The following AP1G1 variants were observed in gnomAD, a reference collection of about 807,000 sequenced individuals.
The protein encoded by AP1G1 is AP-1 complex subunit gamma-1.
AP1G1 carries 7 observed loss-of-function variants against 108.3 expected under a neutral mutation model. That is an observed-to-expected ratio of 0.06 (90% CI 0.04 to 0.12). The LOEUF (loss-of-function observed/expected upper bound fraction) is 0.12. Among genes scored for constraint, AP1G1 ranks in the 10% least tolerant of loss-of-function variants. The pLI is 1.00. For synonymous variants in AP1G1, 379 were observed against 353.5 expected (o/e 1.07, Z -0.81); for missense variants, 756 against 1,010.7 (o/e 0.75, Z 3.42).
chr16:71,801,348 G>T (rs776321184), intron 1 of AP1G1, among the ~76,000 whole-genome samples: 1 of 140,522 alleles, frequency 7.1e-6, no homozygotes, highest in Non-Finnish European at 1.5e-5. Flanking sequence ...AAAAAAAAAA[G>T]CGTGTCATAG....
intron 13 of AP1G1, among the ~76,000 whole-genome samples, chr16:71,751,060 C>T (rs995765640): frequency 6.7e-6 from 1 of 149,340 alleles, no homozygotes; most frequent in Non-Finnish European, 1.5e-5. Flanking sequence ...GAGGCTGAGA[C>T]AGCAGAATGG....
Position 71,753,823 on chromosome 16 carries a change from A to C in AP1G1, c.1284+10T>G. 6.2e-7 allele frequency: 1 copy of C among 1,612,810 alleles called. No individual in the cohort carries two copies. The highest frequency in any genetic ancestry group is 8.5e-7 in the Non-Finnish European group (1 of 1,178,780). On this transcript the variant is annotated intron_variant, in intron 13 of 22. Coordinates refer to ENST00000299980, the MANE Select transcript of AP1G1 (RefSeq NM_001128.6). ...CACTTCGTATATGCTGTCTGAAAGA[A>C]GCTACTTACCGTTGTCAAAACACGC...
chr16:71,787,413 C>CCATCAAGTTCAAGAACTTGAGCCATCAA (rs1279682402), intron 2 of AP1G1, among the ~76,000 whole-genome samples: 34 of 151,840 alleles, frequency 2.2e-4, no homozygotes, highest in Admixed American at 1.3e-4. Context: ...AGAACTTGAG[C>CCATCAAGTTCAAGAACTTGAGCCATCAA]CCAGTAGGTT....
intron 6 of AP1G1, among the ~76,000 whole-genome samples, chr16:71,766,142 G>A (rs12928939): frequency 0.22 from 33,720 of 151,996 alleles, 4,388 homozygotes; most frequent in Non-Finnish European, 0.3. Context: ...ATAGTAATAC[G>A]GTAATCAAAT....
At chr16:71,797,016 T>TTATA (rs57137990) in intron 1 of AP1G1, among the ~76,000 whole-genome samples, 29 of 145,824 alleles carry the variant, frequency 2.0e-4, no homozygotes, top group African/African-American at 5.5e-4. Context: ...AAAAAAAAAA[T>TTATA]TATATATATA....
chr16:71,786,566 T>A (rs2032209486), intron 2 of AP1G1, among the ~76,000 whole-genome samples: 1 of 152,110 alleles, frequency 6.6e-6, no homozygotes, highest in African/African-American at 2.4e-5. Context: ...ATTCAAACGA[T>A]TCTCCTGCTT....
intron 6 of AP1G1, among the ~76,000 whole-genome samples, chr16:71,768,375 C>T (rs991502986): frequency 3.3e-5 from 5 of 150,970 alleles, no homozygotes; most frequent in Admixed American, 6.6e-5. Flanking sequence ...GTGGCAGGCG[C>T]CTGTAGTCCC....
chr16:71,766,696 G>C (rs1178877974), intron 6 of AP1G1, among the ~76,000 whole-genome samples: 1 of 152,128 alleles, frequency 6.6e-6, no homozygotes, highest in Non-Finnish European at 1.5e-5. Context: ...AAGCCTAAAA[G>C]GGGATCAAGA....
intron 3 of AP1G1, among the ~76,000 whole-genome samples, chr16:71,773,854 C>G (rs1454676637): frequency 6.7e-6 from 1 of 149,584 alleles, no homozygotes; most frequent in Non-Finnish European, 1.5e-5. Context: ...GAGTAGCTAC[C>G]CAGGTTCAAG....
chr16:71,769,582 T>C, intron 6 of AP1G1, 41 bp downstream of exon 6: 1 of 1,549,604 alleles, frequency 6.5e-7, no homozygotes, highest in Non-Finnish European at 8.9e-7. Context: ...GAAAATCATT[T>C]TTCAATCAAG....
At chr16:71,739,575 CCT>C (rs1279503378) in intron 19 of AP1G1, among the ~76,000 whole-genome samples, 1 of 151,244 alleles carries the variant, frequency 6.6e-6, no homozygotes, top group Non-Finnish European at 1.5e-5. Flanking sequence ...ATGGCGAGAC[CCT>C]GTCTCTACAA....
At chr16:71,789,524 T>C (rs2032322565) in intron 1 of AP1G1, 42 bp from the exon 2 acceptor site, 1 of 1,573,844 alleles carries the variant, frequency 6.4e-7, no homozygotes, top group South Asian at 1.1e-5. Context: ...TCACATTTTT[T>C]ACTACCAAAG....
chr16:71,748,321 T>A lies in AP1G1; in HGVS notation c.1555A>T (p.Thr519Ser), dbSNP rs753853470. 118 of 1,613,556 alleles carry A rather than the reference T, an allele frequency of 7.3e-5. No individual in the cohort carries two copies. The highest frequency in any genetic ancestry group is 9.7e-5 in the Non-Finnish European group (114 of 1,179,712). Residue 519 changes from threonine to serine, a missense_variant, in exon 16 of 23, where the codon ACC (threonine) becomes TCC (serine). Transcript: ENST00000299980. ...AGGGCATAACCTCGTGTCACAGAGG[T>A]GGACATATTAGAGATTAGGACACTT... ...LESVLISNMS[T>S]SVTRGYALTA...
chr16:71,769,176 G>C (rs1229950026), intron 6 of AP1G1, among the ~76,000 whole-genome samples: 1 of 151,402 alleles, frequency 6.6e-6, no homozygotes, highest in African/African-American at 2.4e-5. Context: ...CCAGCTACAA[G>C]GAAGGCTGAG....
chr16:71,806,100 A>T (rs1449765010), intron 1 of AP1G1, among the ~76,000 whole-genome samples: 1 of 152,190 alleles, frequency 6.6e-6, no homozygotes, highest in Non-Finnish European at 1.5e-5. Context: ...ACTGATTTTT[A>T]AAACTCCTTT....
At chr16:71,773,739 T>C (rs866186018) in intron 3 of AP1G1, among the ~76,000 whole-genome samples, 2 of 152,144 alleles carry the variant, frequency 1.3e-5, no homozygotes, top group Middle Eastern at 3.4e-3. Context: ...AGTCAAGAGT[T>C]CGAGACCAGC....
chr16:71,784,861 C>A (rs939068791), intron 2 of AP1G1, among the ~76,000 whole-genome samples: 4 of 150,878 alleles, frequency 2.7e-5, no homozygotes, highest in African/African-American at 9.8e-5. Context: ...GTCCATCCTA[C>A]CCCTTAAGTT....
chr16:71,744,389 T>C (rs561477408), intron 19 of AP1G1, among the ~76,000 whole-genome samples: 12 of 152,310 alleles, frequency 7.9e-5, no homozygotes, highest in Non-Finnish European at 1.5e-4. Context: ...GCCCTTCAGT[T>C]GCTTTAATTA....
At chr16:71,755,223 C>T (rs1484794919) in intron 12 of AP1G1, among the ~76,000 whole-genome samples, 1 of 151,964 alleles carries the variant, frequency 6.6e-6, no homozygotes, top group Admixed American at 6.6e-5. Context: ...TCCAGGAGTT[C>T]GAGACCAGCC....
Sources: gnomAD v4.1 joint callset for allele counts (sites outside exome capture counted in the v4.1 genomes callset) on GRCh38, gnomAD v4.1.1 for gene constraint, MANE v1.5 for transcripts, NCBI Gene and HGNC (gene_info 2026-07-23, HGNC 2026-07-21) for gene names.